Variants in RORB observed in about 807,000 individuals in gnomAD.
RORB encodes the protein RAR related orphan receptor B.
A neutral mutation model predicts 59.1 loss-of-function variants in RORB; 6 were observed. The observed-to-expected ratio is 0.10, with a 90% CI of 0.06 to 0.20. The LOEUF (loss-of-function observed/expected upper bound fraction) is 0.20, where lower values mean the gene tolerates loss of function less well. RORB is among the 10% of genes least tolerant of loss of function. RORB has a pLI of 1.00. For missense variants in RORB, 320 were observed against 560.5 expected (o/e 0.57, Z 4.33); for synonymous variants, 215 against 204.5 (o/e 1.05, Z -0.44).
intron 1 of RORB, among the ~76,000 whole-genome samples, chr9:74,521,556 A>G (rs1826085685): frequency 6.6e-6 from 1 of 151,852 alleles, no homozygotes; most frequent in African/African-American, 2.4e-5. Context: ...AACAATGAAC[A>G]ATATCTCTAT....
intron 1 of RORB, among the ~76,000 whole-genome samples, chr9:74,581,908 T>C (rs775768879): frequency 2.0e-5 from 3 of 152,192 alleles, no homozygotes; most frequent in Non-Finnish European, 2.9e-5. Context: ...CATGTGTAGA[T>C]GATTATTTTA....
At chr9:74,585,189 A>G (rs1162849611) in intron 1 of RORB, among the ~76,000 whole-genome samples, 1 of 152,242 alleles carries the variant, frequency 6.6e-6, no homozygotes, top group East Asian at 1.9e-4. Flanking sequence ...ATAGCATTTT[A>G]TAATTGTTAA....
intron 3 of RORB, among the ~76,000 whole-genome samples, chr9:74,638,065 AC>A (rs1371400345): frequency 6.6e-6 from 1 of 152,216 alleles, no homozygotes; most frequent in Non-Finnish European, 1.5e-5. Flanking sequence ...CAGAAGAGGC[AC>A]ATCTCTGAAG....
chr9:74,642,352 C>CTG, intron 3 of RORB, 62 bp from the exon 4 acceptor site: 1 of 1,509,368 alleles, frequency 6.6e-7, no homozygotes, highest in South Asian at 1.3e-5. Flanking sequence ...CCCGTTGTAC[C>CTG]TGAGGTGGTT....
intron 1 of RORB, among the ~76,000 whole-genome samples, chr9:74,544,678 G>T (rs1427384065): frequency 6.6e-6 from 1 of 152,108 alleles, no homozygotes; most frequent in Admixed American, 6.6e-5. Flanking sequence ...GCCCTCCTCT[G>T]TGTTTTTACC....
At chr9:74,631,743 G>A (rs978946120) in intron 2 of RORB, among the ~76,000 whole-genome samples, 49 of 152,136 alleles carry the variant, frequency 3.2e-4, no homozygotes, top group African/African-American at 1.1e-3. Context: ...TGTGAATATC[G>A]TGAGATGTTC....
chr9:74,567,045 T>C (rs1822479833), intron 1 of RORB, among the ~76,000 whole-genome samples: 1 of 151,750 alleles, frequency 6.6e-6, no homozygotes, highest in Admixed American at 6.6e-5. Context: ...TTTTTTTTTC[T>C]GAGACAGAGG....
chr9:74,645,064 G>T (rs1823873001), intron 4 of RORB, among the ~76,000 whole-genome samples: 1 of 152,128 alleles, frequency 6.6e-6, no homozygotes, highest in Admixed American at 6.5e-5. Flanking sequence ...CTAGTCTTTA[G>T]ATATCTTTAA....
chr9:74,641,613 C>T (rs1282145982), intron 3 of RORB, among the ~76,000 whole-genome samples: 3 of 152,098 alleles, frequency 2.0e-5, no homozygotes, highest in African/African-American at 7.2e-5. Context: ...TTTAGAAAAT[C>T]GGCCTGGCCG....
chr9:74,672,783 C>A (rs1824369981), intron 9 of RORB, among the ~76,000 whole-genome samples: 1 of 152,176 alleles, frequency 6.6e-6, no homozygotes, highest in Non-Finnish European at 1.5e-5. Context: ...TCTTAAGAAC[C>A]AGAATATTTT....
intron 1 of RORB, among the ~76,000 whole-genome samples, chr9:74,629,094 C>G (rs182137012): frequency 3.3e-5 from 5 of 152,020 alleles, no homozygotes; most frequent in Non-Finnish European, 1.5e-5. Flanking sequence ...GTTTCCATGT[C>G]GGTTCCCTTT....
chr9:74,581,631 T>C (rs1269217238), intron 1 of RORB, among the ~76,000 whole-genome samples: 2 of 152,162 alleles, frequency 1.3e-5, no homozygotes, highest in Non-Finnish European at 2.9e-5. Flanking sequence ...AATGTGAGCC[T>C]AAATCTTCCT....
At chr9:74,579,128 G>A (rs1175190838) in intron 1 of RORB, among the ~76,000 whole-genome samples, 1 of 151,878 alleles carries the variant, frequency 6.6e-6, no homozygotes, top group African/African-American at 2.4e-5. Context: ...TCCTCATCTA[G>A]ACTAATAAGC....
intron 3 of RORB, among the ~76,000 whole-genome samples, chr9:74,639,162 T>C (rs1753544471): frequency 6.6e-6 from 1 of 152,250 alleles, no homozygotes; most frequent in African/African-American, 2.4e-5. Context: ...TTGCCTGGGA[T>C]GACCAAGGAG....
At chr9:74,611,840 A>C (rs1823236636) in intron 1 of RORB, among the ~76,000 whole-genome samples, 1 of 151,964 alleles carries the variant, frequency 6.6e-6, no homozygotes, top group African/African-American at 2.4e-5. Flanking sequence ...AGTAGAGACA[A>C]TGTTTCACCA....
At chr9:74,632,124 G>C (rs895974120) in intron 2 of RORB, among the ~76,000 whole-genome samples, 5 of 152,038 alleles carry the variant, frequency 3.3e-5, no homozygotes, top group African/African-American at 1.2e-4. Flanking sequence ...TCAAAAGATG[G>C]GGATATGTTC....
rs116319096 is a variant in RORB, at chr9:74,674,999, A to C, written c.1224+3098A>C. 3.6e-3 allele frequency among the ~76,000 whole-genome samples: 546 copies of C among 152,298 alleles called. 3 individuals carry two copies. Among genetic ancestry groups the C allele is most frequent in the African/African-American group, 0.013 (527 of 41,570 alleles). On this transcript the variant is annotated intron_variant, in intron 9 of 9. Transcript: ENST00000376896. The stretch of plus-strand genomic sequence containing the variant: ...GCCCAGTCCATAATAGGTAATATGT[A>C]AGTGCTGTTGCTGTGTTGTAGCTGT...
chr9:74,595,396 G>A (rs780532346), intron 1 of RORB, among the ~76,000 whole-genome samples: 1 of 152,146 alleles, frequency 6.6e-6, no homozygotes, highest in African/African-American at 2.4e-5. Flanking sequence ...TTTGTATGCT[G>A]TTCAAGACTA....
intron 1 of RORB, among the ~76,000 whole-genome samples, chr9:74,568,322 A>C (rs1002514900): frequency 6.6e-6 from 1 of 152,130 alleles, no homozygotes; most frequent in Non-Finnish European, 1.5e-5. Flanking sequence ...GTCATTATAT[A>C]AGGGATAGAG....
Sources: allele counts gnomAD v4.1 joint callset (sites outside exome capture counted in the v4.1 genomes callset), GRCh38; gene constraint gnomAD v4.1.1; transcripts MANE v1.5; gene names NCBI Gene and HGNC (gene_info 2026-07-23, HGNC 2026-07-21).